The following ZNF582 variants were observed in gnomAD, a reference collection of about 807,000 sequenced individuals.
ZNF582 encodes zinc finger protein 582.
Under a neutral mutation model 12.3 loss-of-function variants are expected in ZNF582, and 14 were observed. That is an observed-to-expected ratio of 1.14 (90% CI 0.75 to 1.78). ZNF582 has a LOEUF of 1.78. ZNF582 is among the 40% of genes most tolerant of loss of function. ZNF582 has a pLI of 0.00. For missense variants in ZNF582, 567 were observed against 616.5 expected (o/e 0.92, Z 0.85); for synonymous variants, 210 against 207.2 (o/e 1.01, Z -0.11).
In ZNF582 at chr19:56,383,929, G is replaced by T. The variant is rs373213610; in HGVS notation, c.1488C>A (p.Ile496=). ...TGCTTGCCAACATAAATTCTCTGAT[G>T]ATTAGTAAGGGGTAACTGCTGATGG... Residue 496 remains isoleucine (I), a synonymous_variant, in exon 5 of 5, where the codon ATC becomes ATA. Coordinates refer to ENST00000586929, the Ensembl canonical transcript of ZNF582. The T allele has an allele frequency of 6.8e-6, 11 of 1,610,026 alleles. No homozygotes were observed. In the African/African-American group the frequency reaches 1.5e-4, roughly 22 times the overall value.
exon 5 of ZNF582, chr19:56,382,827 G>A (rs2041928828): frequency 6.6e-6 from 1 of 152,162 alleles, no homozygotes; most frequent in South Asian, 2.1e-4. Context: ...CCTAGTAGCT[G>A]AGTCTTCTCA....
chr19:56,392,779 C>G (rs1181176927), intron 1 of ZNF582, among the ~76,000 whole-genome samples: 5 of 152,188 alleles, frequency 3.3e-5, no homozygotes, highest in Admixed American at 6.5e-5. Context: ...TTAACCAGTT[C>G]TTGAGCTCAC....
intron 4 of ZNF582, chr19:56,387,674 TACA>T (rs2041979102): frequency 6.6e-6 from 1 of 152,232 alleles, no homozygotes. Context: ...CATATTATAC[TACA>T]ACCTCAAACT....
At chr19:56,384,418 A>G (rs1384399312) in exon 5 of ZNF582, 7 of 1,600,654 alleles carry the variant, frequency 4.4e-6, no homozygotes, top group Non-Finnish European at 6.0e-6. Context: ...TCCTGCCAGT[A>G]TGAACAGTCT....
intron 3 of ZNF582, 45 bp from the exon 4 acceptor site, chr19:56,390,141 C>T: frequency 6.3e-7 from 1 of 1,581,522 alleles, no homozygotes; most frequent in Non-Finnish European, 8.7e-7. Context: ...GTGTGGGGGC[C>T]CCAGAATTCA....
rs1225488069 is a variant in ZNF582, at chr19:56,384,633, T to TC, written c.783dup (p.Lys262GlufsTer4). On this transcript the variant is annotated frameshift_variant, in exon 5 of 5. Coordinates refer to ENST00000586929, the Ensembl canonical transcript of ZNF582. LOFTEE classifies it low-confidence loss of function (END_TRUNC). ...AACTGTGAGCTTCGACTAAAGGCCT[T>TC]CTCACAATCTTTACATTCATACGGT... The TC allele has an allele frequency of 6.2e-7, 1 of 1,614,176 alleles. No individual in the cohort carries two copies. The highest frequency in any genetic ancestry group is 1.7e-5 in the Admixed American group (1 of 60,032).
intron 4 of ZNF582, among the ~76,000 whole-genome samples, chr19:56,389,292 T>C (rs1160102000): frequency 1.3e-5 from 2 of 152,234 alleles, no homozygotes; most frequent in Non-Finnish European, 2.9e-5. Context: ...TAATAAGTAC[T>C]TGTTAACTGA....
Position 56,384,966 on chromosome 19 carries a change from T to C in ZNF582, c.451A>G (p.Thr151Ala), listed in dbSNP as rs757698150. ...GTAAGGGATGCATGCTGGTCAAAAGTGGGCATTTCTTCATGTCTGATGATC... is the reference window on the plus strand; with the variant it reads ...GTAAGGGATGCATGCTGGTCAAAAGCGGGCATTTCTTCATGTCTGATGATC... The change falls in exon 5 of 5, where the codon ACT becomes GCT. Residue 151 changes from threonine to alanine, a missense_variant. By Grantham distance (58) the Thr-to-Ala change is moderately conservative (BLOSUM62 0). Coordinates refer to ENST00000586929, the Ensembl canonical transcript of ZNF582. 8.1e-6 allele frequency: 13 copies of C among 1,614,024 alleles called. No homozygotes were observed. The African/African-American group carries it at 1.7e-4, about 22-fold the overall frequency.
In ZNF582 at chr19:56,391,746, G is replaced by C. The variant is rs1436946813; in HGVS notation, c.7C>G (p.Leu3Val). 2.8e-5 allele frequency: 45 copies of C among 1,613,212 alleles called. No homozygotes were observed. The highest frequency in any genetic ancestry group is 3.4e-5 in the Non-Finnish European group (40 of 1,179,262). ...ATTTATGGGATTTAAAAACTCACAAGGGACATGACTTTTAGAATTTCAAGG... is the reference window on the plus strand; with the variant it reads ...ATTTATGGGATTTAAAAACTCACAACGGACATGACTTTTAGAATTTCAAGG... The change falls in exon 2 of 5, where the codon CTT (leucine) becomes GTT (valine). Residue 3 changes from leucine (L) to valine (V), a missense_variant and splice_region_variant. Physicochemically the swap from Leu to Val is conservative, Grantham distance 32. Transcript: ENST00000586929.
chr19:56,383,631 C>T, exon 5 of ZNF582: 1 of 388,374 alleles, frequency 2.6e-6, no homozygotes, highest in Non-Finnish European at 4.4e-6. Context: ...AAAATTACTA[C>T]ACTGTGGTTA....
chr19:56,384,520 T>G, exon 5 of ZNF582: 1 of 1,613,588 alleles, frequency 6.2e-7, no homozygotes, highest in Non-Finnish European at 8.5e-7. Flanking sequence ...TATAATGTAC[T>G]TTAAGATGTG....
At chr19:56,388,405 T>G (rs2041986406) in intron 4 of ZNF582, 1 of 152,190 alleles carries the variant, frequency 6.6e-6, no homozygotes, top group South Asian at 2.1e-4. Flanking sequence ...TAAATAAGAA[T>G]AAAGTTTTTT....
At chr19:56,387,599 CTTTCT>C (rs2041978072) in intron 4 of ZNF582, 1 of 152,084 alleles carries the variant, frequency 6.6e-6, no homozygotes, top group African/African-American at 2.4e-5. Flanking sequence ...TTCTCTTTCT[CTTTCT>C]TTTTTGCAGG....
At chr19:56,391,520 A>C (rs749544782) in intron 2 of ZNF582, among the ~76,000 whole-genome samples, 4 of 152,210 alleles carry the variant, frequency 2.6e-5, no homozygotes, top group Non-Finnish European at 5.9e-5. Flanking sequence ...CAGGGAAATG[A>C]GTTTCTCCTC....
intron 4 of ZNF582, among the ~76,000 whole-genome samples, chr19:56,389,192 C>T (rs1052489257): frequency 6.6e-6 from 1 of 152,198 alleles, no homozygotes; most frequent in Non-Finnish European, 1.5e-5. Context: ...TATTTTCCCA[C>T]TGCAGTGTAA....
At chr19:56,387,311 A>T (rs1258719494) in intron 4 of ZNF582, 1 of 152,224 alleles carries the variant, frequency 6.6e-6, no homozygotes, top group Non-Finnish European at 1.5e-5. Context: ...GTTGTTCTGC[A>T]GATCTATTCA....
Position 56,386,115 on chromosome 19 carries a change from CCA to C in ZNF582, c.233-933_233-932del, listed in dbSNP as rs773293114. The C allele has an allele frequency of 1.5e-4, 23 of 152,226 alleles. No individual in the cohort carries two copies. In the East Asian group the frequency reaches 4.0e-3, roughly 27 times the overall value. 9.4% of individuals were successfully genotyped at this position (152,226 alleles called of 1,614,324 possible). A position where few individuals can be genotyped will look rare whatever the true frequency, so the allele number is the denominator to read the frequency against. On this transcript the variant is annotated intron_variant, in intron 4 of 4. Coordinates refer to ENST00000586929, the Ensembl canonical transcript of ZNF582. ...TGAGCACGGTAAATCTTGTATTTTA[CCA>C]CAGTTTTAAAAAATAAAAATAAAAG...
chr19:56,393,086 T>C, intron 1 of ZNF582, 134 bp downstream of exon 1: 1 of 696,892 alleles, frequency 1.4e-6, no homozygotes, highest in Non-Finnish European at 2.1e-6. Flanking sequence ...TTCTAAGTCT[T>C]CTGGGGTCTT....
At chr19:56,390,340 G>T (rs748062978) in intron 3 of ZNF582, 35 bp downstream of exon 3, 1 of 1,613,540 alleles carries the variant, frequency 6.2e-7, no homozygotes, top group Non-Finnish European at 8.5e-7. Flanking sequence ...CATGCCCAAG[G>T]ATAACCTCCA....
Sources: gnomAD v4.1 joint callset for allele counts (sites outside exome capture counted in the v4.1 genomes callset) on GRCh38, gnomAD v4.1.1 for gene constraint, MANE v1.5 for transcripts, NCBI Gene and HGNC (gene_info 2026-07-23, HGNC 2026-07-21) for gene names.